HECW1: variants seen among roughly 807,000 people sequenced by gnomAD.
HECW1 encodes the protein HECT, C2 and WW domain containing E3 ubiquitin protein ligase 1, also known as E3 ubiquitin-protein ligase HECW1.
A neutral mutation model predicts 182.3 loss-of-function variants in HECW1; 61 were observed. The ratio of observed to expected loss-of-function variants is 0.33; its 90% CI spans 0.27 to 0.41. The LOEUF (loss-of-function observed/expected upper bound fraction) is 0.41, where lower values mean the gene tolerates loss of function less well. Ranked by LOEUF, HECW1 falls within the 10% of genes least tolerant of loss-of-function variation. HECW1 has a pLI of 1.00. For synonymous variants in HECW1, 859 were observed against 832.6 expected (o/e 1.03, Z -0.55); for missense variants, 1,739 against 2,108.9 (o/e 0.82, Z 3.44).
At chr7:43,121,096 T>C (rs1304059837) in intron 2 of HECW1, among the ~76,000 whole-genome samples, 1 of 152,186 alleles carries the variant, frequency 6.6e-6, no homozygotes, top group Non-Finnish European at 1.5e-5. Context: ...CCTTCCTGCC[T>C]GGACATTTTG....
chr7:43,530,154 C>T (rs181128483), intron 24 of HECW1, among the ~76,000 whole-genome samples: 2,052 of 139,338 alleles, frequency 0.015, 34 homozygotes, highest in Non-Finnish European at 0.021. Context: ...GATGGGGTTT[C>T]ACCACATTGG....
intron 2 of HECW1, among the ~76,000 whole-genome samples, chr7:43,172,657 C>T (rs1013953737): frequency 1.3e-5 from 2 of 152,058 alleles, no homozygotes; most frequent in African/African-American, 2.4e-5. Flanking sequence ...CCCTTTCTGC[C>T]CTATGTCCCT....
chr7:43,282,153 A>G (rs1002067080), intron 3 of HECW1, among the ~76,000 whole-genome samples: 1 of 152,218 alleles, frequency 6.6e-6, no homozygotes, highest in Non-Finnish European at 1.5e-5. Context: ...AGATCACTGA[A>G]TGTGCCTCTT....
At chr7:43,194,399 A>G (rs1386800242) in intron 2 of HECW1, 1 of 152,154 alleles carries the variant, frequency 6.6e-6, no homozygotes, top group Non-Finnish European at 1.5e-5. Context: ...GTTCAGATGC[A>G]GTGTATGAAG....
intron 24 of HECW1, among the ~76,000 whole-genome samples, chr7:43,537,351 G>A (rs2152951514): frequency 6.6e-6 from 1 of 152,236 alleles, no homozygotes; most frequent in East Asian, 1.9e-4. Context: ...TAAATTATTG[G>A]GATAGTTTCT....
At chr7:43,265,666 A>G (rs1801699083) in intron 3 of HECW1, among the ~76,000 whole-genome samples, 1 of 152,164 alleles carries the variant, frequency 6.6e-6, no homozygotes, top group Non-Finnish European at 1.5e-5. Flanking sequence ...GGTATCCAAC[A>G]ATTCAAATCA....
At chr7:43,136,070 CT>C (rs60008296) in intron 2 of HECW1, among the ~76,000 whole-genome samples, 29 of 147,122 alleles carry the variant, frequency 2.0e-4, no homozygotes, top group East Asian at 6.0e-4. Context: ...CTGTATTCAA[CT>C]TTTTTTTTTC....
chr7:43,354,560 CAGAGA>C (rs926253138), intron 5 of HECW1, among the ~76,000 whole-genome samples: 4 of 151,880 alleles, frequency 2.6e-5, no homozygotes, highest in Admixed American at 1.3e-4. Context: ...CTGAATCAAA[CAGAGA>C]AAAGAATCAG....
intron 29 of HECW1, among the ~76,000 whole-genome samples, chr7:43,558,242 G>A (rs1346149309): frequency 6.6e-6 from 1 of 152,224 alleles, no homozygotes; most frequent in African/African-American, 2.4e-5. Context: ...GCACTGGGCA[G>A]TGTGGAGATA....
chr7:43,406,118 T>A (rs1447871221), intron 7 of HECW1, among the ~76,000 whole-genome samples: 2 of 152,250 alleles, frequency 1.3e-5, no homozygotes, highest in Non-Finnish European at 2.9e-5. Flanking sequence ...TCTGGAGGGC[T>A]GCCTTTCATT....
At chr7:43,113,710 T>TG (rs918493039) in intron 1 of HECW1, 1 of 210,762 alleles carries the variant, frequency 4.7e-6, no homozygotes, top group African/African-American at 2.3e-5. Flanking sequence ...TGGCTGGAGG[T>TG]GCGCTTCCTG....
intron 2 of HECW1, among the ~76,000 whole-genome samples, chr7:43,206,644 C>A (rs1008163268): frequency 6.6e-6 from 1 of 152,190 alleles, no homozygotes; most frequent in South Asian, 2.1e-4. Flanking sequence ...TTCCCTCCCC[C>A]ACCTCCCATA....
intron 12 of HECW1, among the ~76,000 whole-genome samples, chr7:43,452,404 T>A (rs1038026240): frequency 6.6e-6 from 1 of 152,208 alleles, no homozygotes; most frequent in African/African-American, 2.4e-5. Context: ...CCACTTTCAA[T>A]AATGAGAACA....
intron 8 of HECW1, among the ~76,000 whole-genome samples, chr7:43,415,608 A>G (rs936902178): frequency 2.9e-4 from 43 of 150,218 alleles, no homozygotes; most frequent in Non-Finnish European, 3.7e-4. Context: ...CTCCTGGATA[A>G]TATCCTGCAG....
rs1338185977 is a variant in HECW1, at chr7:43,499,342, G to C, written c.3438-1357G>C. Among the ~76,000 whole-genome samples, 5 of 151,984 alleles carry C rather than the reference G, an allele frequency of 3.3e-5. No individual in the cohort carries two copies. The South Asian group carries it at 1.0e-3, about 32-fold the overall frequency. Reference sequence around the variant, plus strand: ...AACCTAGCTGAGTGTGGCGGTGCATGCCTATAATCCCAGCTACTCAGGAGG... The same window carrying C: ...AACCTAGCTGAGTGTGGCGGTGCATCCCTATAATCCCAGCTACTCAGGAGG... On this transcript the variant is annotated intron_variant, in intron 19 of 29. Transcript: ENST00000395891.
intron 6 of HECW1, among the ~76,000 whole-genome samples, chr7:43,376,716 A>G (rs2074342262): frequency 6.6e-6 from 1 of 152,066 alleles, no homozygotes; most frequent in Admixed American, 6.6e-5. Context: ...AATATAAAAA[A>G]TTAGCTGGGC....
At chr7:43,274,997 A>G (rs1420037901) in intron 3 of HECW1, among the ~76,000 whole-genome samples, 2 of 152,214 alleles carry the variant, frequency 1.3e-5, no homozygotes, top group African/African-American at 4.8e-5. Context: ...AGGGGTCTCT[A>G]CGTGTGCTTT....
intron 7 of HECW1, among the ~76,000 whole-genome samples, chr7:43,402,747 A>G (rs1249498241): frequency 6.6e-6 from 1 of 152,244 alleles, no homozygotes; most frequent in Non-Finnish European, 1.5e-5. Flanking sequence ...AGAAAGCTCC[A>G]ACAGTACAAT....
At chr7:43,288,359 C>A (rs1421542677) in intron 3 of HECW1, among the ~76,000 whole-genome samples, 1 of 152,188 alleles carries the variant, frequency 6.6e-6, no homozygotes, top group Non-Finnish European at 1.5e-5. Flanking sequence ...AAAAAATCCC[C>A]AGGCAATACT....
Sources: allele counts gnomAD v4.1 joint callset (sites outside exome capture counted in the v4.1 genomes callset), GRCh38; gene constraint gnomAD v4.1.1; transcripts MANE v1.5; gene names NCBI Gene and HGNC (gene_info 2026-07-23, HGNC 2026-07-21).